Variants in GLS observed in about 807,000 individuals in gnomAD.
GLS encodes the protein glutaminase kidney isoform, mitochondrial.
A neutral mutation model predicts 86.7 loss-of-function variants in GLS; 36 were observed. That is an observed-to-expected ratio of 0.42 (90% CI 0.32 to 0.55). The LOEUF (loss-of-function observed/expected upper bound fraction) is 0.55, where lower values mean the gene tolerates loss of function less well. Ranked by LOEUF, GLS falls within the 20% of genes least tolerant of loss-of-function variation. The probability of loss-of-function intolerance (pLI) is 0.17; values close to 1 mark genes in which losing one functional copy is unlikely to be tolerated. For synonymous variants in GLS, 317 were observed against 305.9 expected (o/e 1.04, Z -0.38); for missense variants, 528 against 833.4 (o/e 0.63, Z 4.51).
intron 14 of GLS, among the ~76,000 whole-genome samples, chr2:190,942,360 G>A (rs1300326893): frequency 6.6e-6 from 1 of 152,050 alleles, no homozygotes; most frequent in Non-Finnish European, 1.5e-5. Flanking sequence ...GATTACAGGC[G>A]TGAGCCACCA....
chr2:190,936,676 AAT>A (rs891742573), intron 14 of GLS, among the ~76,000 whole-genome samples: 1 of 151,242 alleles, frequency 6.6e-6, no homozygotes, highest in African/African-American at 2.4e-5. Flanking sequence ...TGAAACCAAG[AAT>A]ATTAGATTTC....
chr2:190,890,826 C>T (rs996187630), intron 1 of GLS, among the ~76,000 whole-genome samples: 18 of 152,042 alleles, frequency 1.2e-4, no homozygotes, highest in African/African-American at 4.3e-4. Flanking sequence ...CTTGAAAAGA[C>T]AGTTTTTCAT....
At chr2:190,886,282 C>T (rs976823800) in intron 1 of GLS, among the ~76,000 whole-genome samples, 1 of 152,082 alleles carries the variant, frequency 6.6e-6, no homozygotes, top group African/African-American at 2.4e-5. Context: ...ATAACTTTGT[C>T]CATGATCTGT....
intron 1 of GLS, among the ~76,000 whole-genome samples, chr2:190,881,752 C>G (rs971690691): frequency 2.0e-5 from 3 of 152,182 alleles, no homozygotes; most frequent in Admixed American, 6.5e-5. Context: ...GCCTGGCGTC[C>G]CCAGCGCCAG....
chr2:190,912,543 T>TA (rs1558977519), intron 7 of GLS, among the ~76,000 whole-genome samples: 1 of 152,152 alleles, frequency 6.6e-6, no homozygotes, highest in Non-Finnish European at 1.5e-5. Context: ...AAATTGGTAT[T>TA]GGTTTGAAAT....
intron 14 of GLS, among the ~76,000 whole-genome samples, chr2:190,952,881 T>G (rs988286105): frequency 6.6e-6 from 1 of 152,206 alleles, no homozygotes; most frequent in Admixed American, 6.5e-5. Context: ...CTCTTAACTA[T>G]AAGAAAAGGA....
chr2:190,910,619 T>A (rs1689324122), intron 7 of GLS, among the ~76,000 whole-genome samples: 1 of 151,790 alleles, frequency 6.6e-6, no homozygotes, highest in East Asian at 1.9e-4. Flanking sequence ...TTTTTTTTTT[T>A]TTTAAAGTTT....
intron 14 of GLS, among the ~76,000 whole-genome samples, chr2:190,948,432 C>A (rs1690634026): frequency 6.6e-6 from 1 of 151,976 alleles, no homozygotes; most frequent in Non-Finnish European, 1.5e-5. Flanking sequence ...AAGAAATGGA[C>A]TTTTAGAACG....
At chr2:190,904,055 T>C (rs2124849213) in intron 5 of GLS, among the ~76,000 whole-genome samples, 1 of 152,280 alleles carries the variant, frequency 6.6e-6, no homozygotes, top group East Asian at 1.9e-4. Context: ...AATATAAAGC[T>C]TTCTTTTTGC....
At chr2:190,900,823 T>G (rs1688915977) in intron 4 of GLS, 130 bp downstream of exon 4, 1 of 551,908 alleles carries the variant, frequency 1.8e-6, no homozygotes, top group African/African-American at 1.9e-5. Flanking sequence ...TTAAGAAATT[T>G]AAGTGAAGCC....
chr2:190,920,997 G>GT lies in GLS; in HGVS notation c.1039-26dup, dbSNP rs748830298. On this transcript the variant is annotated intron_variant, in intron 7 of 17. Coordinates refer to ENST00000320717, the MANE Select transcript of GLS (RefSeq NM_014905.5). The surrounding 1 kb of genome is among the most constrained non-coding windows in gnomAD (Gnocchi z 4.2). ...TAACTGTAGTGGTACCTATATTAAC[G>GT]TATTTATGTCTCTTATTTTTTTGCA... is the stretch of plus-strand genomic sequence containing the variant. 1 of 1,317,454 alleles carries GT rather than the reference G, an allele frequency of 7.6e-7. No homozygotes were observed. Among genetic ancestry groups the GT allele is most frequent in the Non-Finnish European group, 1.1e-6 (1 of 912,778 alleles). 81.6% of individuals were successfully genotyped at this position (1,317,454 alleles called of 1,614,324 possible).
intron 1 of GLS, among the ~76,000 whole-genome samples, chr2:190,891,174 T>A (rs1688548702): frequency 2.0e-5 from 3 of 152,202 alleles, no homozygotes; most frequent in Non-Finnish European, 4.4e-5. Flanking sequence ...CAAAATTAAA[T>A]ACTTCATCTG....
At chr2:190,882,825 C>T (rs1374758804) in intron 1 of GLS, among the ~76,000 whole-genome samples, 1 of 152,176 alleles carries the variant, frequency 6.6e-6, no homozygotes, top group South Asian at 2.1e-4. Flanking sequence ...CTTTCAAGTT[C>T]TAAAAAGCTA....
chr2:190,908,286 G>A (rs987376557), intron 6 of GLS, among the ~76,000 whole-genome samples: 4 of 151,970 alleles, frequency 2.6e-5, no homozygotes, highest in African/African-American at 7.2e-5. Context: ...AATATTTTTC[G>A]TTCTTTAGTA....
chr2:190,932,967 A>C (rs1470020863), intron 14 of GLS: 1 of 1,270,732 alleles, frequency 7.9e-7, no homozygotes, highest in Non-Finnish European at 9.9e-7. Flanking sequence ...TTTTGTTCTC[A>C]ATCTTGGGTG....
chr2:190,937,739 A>G (rs1363504919), intron 14 of GLS, among the ~76,000 whole-genome samples: 2 of 151,244 alleles, frequency 1.3e-5, no homozygotes, highest in African/African-American at 2.4e-5. Context: ...TGTTTTCATA[A>G]AAAACTTTAT....
At chr2:190,939,506 T>A (rs929039578) in intron 14 of GLS, among the ~76,000 whole-genome samples, 1 of 151,746 alleles carries the variant, frequency 6.6e-6, no homozygotes, top group Non-Finnish European at 1.5e-5. Flanking sequence ...TGATGAAATA[T>A]TAGTATCAGT....
In GLS at chr2:190,930,316, C is replaced by T; in HGVS notation, c.1426-121C>T. ...CAAGTGATCTGCTTGCCTTGGCCTC[C>T]CAAAGTGCTGAGATTACAGGAGTGA... is the stretch of plus-strand genomic sequence containing the variant. On this transcript the variant is annotated intron_variant, in intron 12 of 17. Coordinates refer to ENST00000320717, the MANE Select transcript of GLS (RefSeq NM_014905.5). The surrounding 1 kb of genome is among the most constrained non-coding windows in gnomAD (Gnocchi z 5.0). 1 of 719,246 alleles carries T rather than the reference C, an allele frequency of 1.4e-6. No individual in the cohort carries two copies. Among genetic ancestry groups the T allele is most frequent in the Admixed American group, 2.6e-5 (1 of 38,798 alleles). The allele number at this position is 719,246 out of a possible 1,614,324, so 44.6% of individuals were successfully genotyped here. A position where few individuals can be genotyped will look rare whatever the true frequency, so the allele number is the denominator to read the frequency against.
intron 3 of GLS, chr2:190,896,606 A>C (rs1321472806): frequency 6.6e-6 from 1 of 152,104 alleles, no homozygotes; most frequent in East Asian, 1.9e-4. Flanking sequence ...TGTCTCCTGG[A>C]GTATGAAGTC....
Sources: gnomAD v4.1 joint callset for allele counts (sites outside exome capture counted in the v4.1 genomes callset) on GRCh38, gnomAD v4.1.1 for gene constraint, Gnocchi (gnomAD v3.1) non-coding constraint, MANE v1.5 for transcripts, NCBI Gene and HGNC (gene_info 2026-07-23, HGNC 2026-07-21) for gene names.